The following GARIN1A variants were observed in gnomAD, a reference collection of about 807,000 sequenced individuals.
The protein encoded by GARIN1A is Golgi-associated RAB2 interactor protein 1A.
chr7:128,677,930 T>C, the GARIN1A span: 1 of 885,266 alleles, frequency 1.1e-6, no homozygotes, highest in Non-Finnish European at 1.6e-6. Context: ...TTTGTAAATA[T>C]CATTTTGATA....
At chr7:128,683,660 GT>G in the GARIN1A span, 2 of 152,140 alleles carry the variant, frequency 1.3e-5, no homozygotes, top group African/African-American at 4.8e-5. Flanking sequence ...TAGAGATGGG[GT>G]TTCACCACGT....
At chr7:128,693,489 G>A in the GARIN1A span, 1 of 193,996 alleles carries the variant, frequency 5.2e-6, no homozygotes. Flanking sequence ...GAAGCTGCTG[G>A]AGCAGGTGGA....
chr7:128,678,388 A>G, the GARIN1A span, among the ~76,000 whole-genome samples: 1 of 152,188 alleles, frequency 6.6e-6, no homozygotes, highest in African/African-American at 2.4e-5. Context: ...ATTTCTGATT[A>G]TATTCTCAGT....
the GARIN1A span, among the ~76,000 whole-genome samples, chr7:128,677,273 C>T: frequency 1.3e-5 from 2 of 150,872 alleles, no homozygotes; most frequent in African/African-American, 2.4e-5. Flanking sequence ...TTTGGGAGGC[C>T]GAGGCGGGCG....
At chr7:128,704,379 A>G in the GARIN1A span, among the ~76,000 whole-genome samples, 1 of 149,782 alleles carries the variant, frequency 6.7e-6, no homozygotes, top group Non-Finnish European at 1.5e-5. Flanking sequence ...ATCTCGGCTC[A>G]CTGCAACCTC....
chr7:128,680,469 C>T, the GARIN1A span, among the ~76,000 whole-genome samples: 6 of 152,280 alleles, frequency 3.9e-5, no homozygotes, highest in Non-Finnish European at 8.8e-5. Flanking sequence ...TGACTATTTC[C>T]AATCCAAGCT....
the GARIN1A span, chr7:128,677,477 A>G: frequency 1.2e-5 from 17 of 1,371,638 alleles, no homozygotes; most frequent in Non-Finnish European, 1.6e-5. Context: ...ACTGCACTCT[A>G]GCCTCGGCGG....
chr7:128,681,308 G>A, the GARIN1A span, among the ~76,000 whole-genome samples: 2 of 152,154 alleles, frequency 1.3e-5, no homozygotes, highest in Admixed American at 1.3e-4. Context: ...CTTTCCTAGG[G>A]GGGAACTGGG....
At chr7:128,678,676 C>A in the GARIN1A span, among the ~76,000 whole-genome samples, 1 of 151,974 alleles carries the variant, frequency 6.6e-6, no homozygotes, top group East Asian at 1.9e-4. Flanking sequence ...TGGTGGCAGG[C>A]CCCTATAATA....
chr7:128,674,428 A>G, the GARIN1A span, among the ~76,000 whole-genome samples: 1 of 152,150 alleles, frequency 6.6e-6, no homozygotes, highest in East Asian at 1.9e-4. Context: ...CACAGTCCAA[A>G]GTTTACTTGA....
the GARIN1A span, among the ~76,000 whole-genome samples, chr7:128,688,136 C>T: frequency 6.6e-6 from 1 of 152,022 alleles, no homozygotes; most frequent in African/African-American, 2.4e-5. Context: ...CTTAGCCTCC[C>T]GAGTAGCTGG....
At chr7:128,709,128 GA>G in the GARIN1A span, 1 of 152,290 alleles carries the variant, frequency 6.6e-6, no homozygotes, top group Non-Finnish European at 1.5e-5. Context: ...GCCACCTGAG[GA>G]CCCAGAGCTC....
At chr7:128,683,109 C>T in the GARIN1A span, 30 of 1,612,658 alleles carry the variant, frequency 1.9e-5, no homozygotes, top group Non-Finnish European at 2.4e-5. Context: ...TGAGCACCTT[C>T]TACAAGTTCA....
the GARIN1A span, among the ~76,000 whole-genome samples, chr7:128,707,363 C>A: frequency 3.3e-5 from 5 of 152,058 alleles, no homozygotes; most frequent in African/African-American, 7.2e-5. Flanking sequence ...ATTCATCTAT[C>A]CTACAACTGA....
the GARIN1A span, among the ~76,000 whole-genome samples, chr7:128,705,885 G>C: frequency 6.6e-6 from 1 of 151,854 alleles, no homozygotes. Context: ...CAAACTTCAT[G>C]CTCAAGTGAT....
At chr7:128,702,810 T>G in the GARIN1A span, among the ~76,000 whole-genome samples, 1 of 152,210 alleles carries the variant, frequency 6.6e-6, no homozygotes, top group Non-Finnish European at 1.5e-5. Context: ...CAAGAAATCT[T>G]TTTTAAAAAT....
chr7:128,679,145 G>A, the GARIN1A span, among the ~76,000 whole-genome samples: 1 of 150,576 alleles, frequency 6.6e-6, no homozygotes, highest in African/African-American at 2.4e-5. Flanking sequence ...GTGTTCTTTG[G>A]CCATTTTTCT....
chr7:128,683,310 G>A, the GARIN1A span: 1 of 591,638 alleles, frequency 1.7e-6, no homozygotes, highest in Non-Finnish European at 2.8e-6. Flanking sequence ...AAACTTCCAA[G>A]TGAGTCCCTA....
chr7:128,699,991 C>T, the GARIN1A span, among the ~76,000 whole-genome samples: 4 of 151,996 alleles, frequency 2.6e-5, no homozygotes, highest in Non-Finnish European at 5.9e-5. Flanking sequence ...GTTTAAAGTC[C>T]ATTTGACTAA....
Sources: gnomAD v4.1 joint callset for allele counts (sites outside exome capture counted in the v4.1 genomes callset) on GRCh38, gnomAD v4.1.1 for gene constraint, MANE v1.5 for transcripts, NCBI Gene and HGNC (gene_info 2026-07-23, HGNC 2026-07-21) for gene names.